BCAS3: variants seen among roughly 807,000 people sequenced by gnomAD.
BCAS3 encodes the protein BCAS3 microtubule associated cell migration factor, also known as BCAS4/BCAS3 fusion.
In BCAS3, 53 loss-of-function variants were observed where a neutral mutation model predicts 116.1. The observed-to-expected ratio is 0.46, with a 90% CI of 0.37 to 0.57. The LOEUF is 0.57. BCAS3 is among the 20% of genes least tolerant of loss of function. The pLI is 0.00. For synonymous variants in BCAS3, 391 were observed against 408.2 expected, an observed-to-expected ratio of 0.96 and a Z score of 0.51; for missense variants, 917 against 1,165.4, an observed-to-expected ratio of 0.79 and a Z score of 3.10.
At chr17:60,903,775 T>A (rs2057785005) in intron 11 of BCAS3, among the ~76,000 whole-genome samples, 1 of 152,170 alleles carries the variant, frequency 6.6e-6, no homozygotes, top group South Asian at 2.1e-4. Context: ...TTCTCCATTG[T>A]GTATAGAAAA....
intron 22 of BCAS3, among the ~76,000 whole-genome samples, chr17:61,234,910 C>T (rs773688255): frequency 1.2e-4 from 17 of 136,674 alleles, no homozygotes; most frequent in Non-Finnish European, 2.3e-4. Flanking sequence ...TTTATTGAGA[C>T]GGAGTCTCGC....
At chr17:60,722,710 G>A (rs1253836605) in intron 5 of BCAS3, among the ~76,000 whole-genome samples, 1 of 150,070 alleles carries the variant, frequency 6.7e-6, no homozygotes, top group Non-Finnish European at 1.5e-5. Flanking sequence ...GCAGTGAGCC[G>A]AGATTGCGCC....
chr17:60,862,106 A>G (rs1424536999), intron 7 of BCAS3, among the ~76,000 whole-genome samples: 1 of 152,016 alleles, frequency 6.6e-6, no homozygotes, highest in East Asian at 1.9e-4. Flanking sequence ...ACATGGTGAA[A>G]CCTCGTCTCT....
Position 61,281,583 on chromosome 17 carries a change from A to C in BCAS3, c.2426-86744A>C, listed in dbSNP as rs951263051. ...AAATTTGCATTTCTCTTAGACTGGC[A>C]TGGAACGTATTTTCACAAATTTAAA... is the stretch of plus-strand genomic sequence containing the variant. On this transcript the variant is annotated intron_variant, in intron 22 of 23. Coordinates refer to ENST00000407086, the MANE Select transcript of BCAS3 (RefSeq NM_017679.5). This position sits in a 1 kb window ranked among gnomAD's most constrained non-coding sequence, Gnocchi z 4.2. 6.6e-6 allele frequency among the ~76,000 whole-genome samples: 1 copy of C among 152,192 alleles called. No homozygotes were observed. The highest frequency in any genetic ancestry group is 1.5e-5 in the Non-Finnish European group (1 of 68,018).
At position 61,151,010 on chromosome 17, in the gene BCAS3, T is replaced by C. The variant is rs2077511790; in HGVS notation, c.2425+66446T>C. Among the ~76,000 whole-genome samples, 2 of 152,224 alleles carry C rather than the reference T, an allele frequency of 1.3e-5. No individual in the cohort carries two copies. Among genetic ancestry groups the C allele is most frequent in the South Asian group, 4.1e-4 (2 of 4,828 alleles). On this transcript the variant is annotated intron_variant, in intron 22 of 23. Coordinates refer to ENST00000407086, the MANE Select transcript of BCAS3 (RefSeq NM_017679.5). The surrounding 1 kb of genome is among the most constrained non-coding windows in gnomAD (Gnocchi z 4.8). Reference sequence around the variant, plus strand: ...CTGATAAGGCCCTGGAGCCACAGACTTCTGTGTAGCCACATCTAGACAACT... The same window carrying C: ...CTGATAAGGCCCTGGAGCCACAGACCTCTGTGTAGCCACATCTAGACAACT...
chr17:60,687,617 A>G (rs1197725055), intron 3 of BCAS3, among the ~76,000 whole-genome samples: 1 of 152,086 alleles, frequency 6.6e-6, no homozygotes, highest in Non-Finnish European at 1.5e-5. Flanking sequence ...AAATACAAAA[A>G]CAGAAACCCA....
At position 61,381,310 on chromosome 17, in the gene BCAS3, G is replaced by T. The variant is rs2059591750; in HGVS notation, c.2594-10667G>T. Among the ~76,000 whole-genome samples, 1 of 152,178 alleles carries T rather than the reference G, an allele frequency of 6.6e-6. No homozygotes were observed. The highest frequency in any genetic ancestry group is 2.4e-5 in the African/African-American group (1 of 41,432). On this transcript the variant is annotated intron_variant, in intron 23 of 23. Transcript: ENST00000407086. The surrounding 1 kb of genome is among the most constrained non-coding windows in gnomAD (Gnocchi z 6.0). ...CCAGCTGAATTGAATAATGAATAGAGCCCCGGCACCAGCAGCCAGTCTGTG... is the reference window on the plus strand; with the variant it reads ...CCAGCTGAATTGAATAATGAATAGATCCCCGGCACCAGCAGCCAGTCTGTG...
intron 19 of BCAS3, among the ~76,000 whole-genome samples, chr17:61,062,480 T>C (rs1248318466): frequency 1.3e-5 from 2 of 152,182 alleles, no homozygotes; most frequent in Non-Finnish European, 2.9e-5. Flanking sequence ...GTGGACTTAC[T>C]TTTCCAGCTA....
rs1423202425 is a variant in BCAS3 at position 61,233,874 on chromosome 17, G to C, written c.2426-134453G>C. Among the ~76,000 whole-genome samples, 1 of 152,094 alleles carries C rather than the reference G, an allele frequency of 6.6e-6. No individual in the cohort carries two copies. The highest frequency in any genetic ancestry group is 1.5e-5 in the Non-Finnish European group (1 of 68,008). ...CTCTGGCTTCAGTTCTGGCCCCTGA[G>C]GCTCTTTCCTGTCTAGTTGAGCTTT... On this transcript the variant is annotated intron_variant, in intron 22 of 23. Coordinates refer to ENST00000407086, the MANE Select transcript of BCAS3 (RefSeq NM_017679.5). The surrounding 1 kb of genome is among the most constrained non-coding windows in gnomAD (Gnocchi z 4.3).
intron 5 of BCAS3, among the ~76,000 whole-genome samples, chr17:60,711,198 C>T (rs1423794806): frequency 1.3e-5 from 2 of 149,494 alleles, no homozygotes; most frequent in African/African-American, 2.5e-5. Context: ...ATAGAAGAAT[C>T]GTGCTGGTAT....
At chr17:60,940,971 C>A (rs1257169487) in intron 13 of BCAS3, among the ~76,000 whole-genome samples, 3 of 152,268 alleles carry the variant, frequency 2.0e-5, no homozygotes, top group East Asian at 1.9e-4. Flanking sequence ...TTTGGGTTAA[C>A]CAGCTGACGC....
Position 61,325,637 on chromosome 17 carries a change from G to A in BCAS3, c.2426-42690G>A, listed in dbSNP as rs894728813. Among the ~76,000 whole-genome samples, 1 of 152,218 alleles carries A rather than the reference G, an allele frequency of 6.6e-6. No homozygotes were observed. The highest frequency in any genetic ancestry group is 1.5e-5 in the Non-Finnish European group (1 of 68,040). ...GCATTGATATATGGCCCAAGCAAGG[G>A]ACTAAAATCTTAAAGTGACAGGGCC... is the stretch of plus-strand genomic sequence containing the variant. On this transcript the variant is annotated intron_variant, in intron 22 of 23. Coordinates refer to ENST00000407086, the MANE Select transcript of BCAS3 (RefSeq NM_017679.5). This position sits in a 1 kb window ranked among gnomAD's most constrained non-coding sequence, Gnocchi z 6.4.
At chr17:61,311,899 A>G (rs1175514207) in intron 22 of BCAS3, among the ~76,000 whole-genome samples, 4 of 129,736 alleles carry the variant, frequency 3.1e-5, no homozygotes, top group Non-Finnish European at 3.0e-5. Context: ...ATCTCAAAAA[A>G]AAGCATATAT....
intron 13 of BCAS3, among the ~76,000 whole-genome samples, chr17:60,925,221 G>A (rs1244970772): frequency 6.6e-6 from 1 of 151,966 alleles, no homozygotes; most frequent in Non-Finnish European, 1.5e-5. Flanking sequence ...TTTTCATTAT[G>A]ATAATGTTTT....
rs1358179114 is a variant in BCAS3, at chr17:61,151,100, G to A, written c.2425+66536G>A. Reference sequence around the variant, plus strand: ...AATGACCACAACTACTGCAATGACTGTTACTGCTACTACTACTGCTATTAC... The same window carrying A: ...AATGACCACAACTACTGCAATGACTATTACTGCTACTACTACTGCTATTAC... On this transcript the variant is annotated intron_variant, in intron 22 of 23. Transcript: ENST00000407086. The surrounding 1 kb of genome is among the most constrained non-coding windows in gnomAD (Gnocchi z 4.8). 6.6e-6 allele frequency among the ~76,000 whole-genome samples: 1 copy of A among 152,178 alleles called. No individual in the cohort carries two copies. The highest frequency in any genetic ancestry group is 1.5e-5 in the Non-Finnish European group (1 of 68,038).
chr17:61,123,092 C>T (rs1461876668), intron 22 of BCAS3, among the ~76,000 whole-genome samples: 1 of 152,052 alleles, frequency 6.6e-6, no homozygotes, highest in Non-Finnish European at 1.5e-5. Flanking sequence ...CAGGCGCCCA[C>T]CACCATGTCC....
chr17:61,258,440 G>T lies in BCAS3; in HGVS notation c.2426-109887G>T, dbSNP rs1197258519. Among the ~76,000 whole-genome samples, 1 of 152,200 alleles carries T rather than the reference G, an allele frequency of 6.6e-6. No homozygotes were observed. Among genetic ancestry groups the T allele is most frequent in the Non-Finnish European group, 1.5e-5 (1 of 68,034 alleles). On this transcript the variant is annotated intron_variant, in intron 22 of 23. Coordinates refer to ENST00000407086, the MANE Select transcript of BCAS3 (RefSeq NM_017679.5). This position sits in a 1 kb window ranked among gnomAD's most constrained non-coding sequence, Gnocchi z 4.7. ...AGGTTTATCTAGGTTTGAGTTGTGG[G>T]TCTGCCACTTCTTCACTAGCTGTTG...
At position 60,962,946 on chromosome 17, in the gene BCAS3, C is replaced by G. The variant is rs2061479880; in HGVS notation, c.1221+15594C>G. Among the ~76,000 whole-genome samples the G allele has an allele frequency of 6.6e-6, 1 of 152,132 alleles. No individual in the cohort carries two copies. The highest frequency in any genetic ancestry group is 2.4e-5 in the African/African-American group (1 of 41,440). ...TGAGAGATAGAGGTCTAGTTTCATT[C>G]TTCTGCATAGCTATCCAGTTATCCC... On this transcript the variant is annotated intron_variant, in intron 14 of 23. Transcript: ENST00000407086. This position sits in a 1 kb window ranked among gnomAD's most constrained non-coding sequence, Gnocchi z 4.4.
At chr17:60,742,799 C>CAGT (rs759345500) in intron 5 of BCAS3, among the ~76,000 whole-genome samples, 1 of 151,828 alleles carries the variant, frequency 6.6e-6, no homozygotes, top group East Asian at 1.9e-4. Flanking sequence ...GGTCCATGAA[C>CAGT]AGTAGTACAA....
Sources: allele counts gnomAD v4.1 joint callset (sites outside exome capture counted in the v4.1 genomes callset), GRCh38; gene constraint gnomAD v4.1.1; non-coding constraint Gnocchi (gnomAD v3.1); transcripts MANE v1.5; gene names NCBI Gene and HGNC (gene_info 2026-07-23, HGNC 2026-07-21).